Variants in BRWD1 observed in about 807,000 individuals in gnomAD.
BRWD1 encodes the protein bromodomain and WD repeat-containing protein 1.
BRWD1 carries 82 observed loss-of-function variants against 251.2 expected under a neutral mutation model. The observed-to-expected ratio is 0.33, with a 90% CI of 0.27 to 0.39. The LOEUF is 0.39. Ranked by LOEUF, BRWD1 falls within the 10% of genes least tolerant of loss-of-function variation. BRWD1 has a pLI of 1.00. For missense variants in BRWD1, 2,233 were observed against 2,711.6 expected (o/e 0.82, Z 3.92); for synonymous variants, 918 against 902.8 (o/e 1.02, Z -0.30).
rs1432821001 is a variant in BRWD1 at position 39,196,804 on chromosome 21, G to A, written c.6265C>T (p.Leu2089=). 3 of 1,613,216 alleles carry A rather than the reference G, an allele frequency of 1.9e-6. No individual in the cohort carries two copies. Among genetic ancestry groups the A allele is most frequent in the Non-Finnish European group, 2.5e-6 (3 of 1,179,902 alleles). ...ATAENNFEVE[L]NYGLRRWNGR... Reference sequence around the variant, plus strand: ...TTCCACCTGCGCAGCCCATAATTCAGTTCCACTTCAAAATTATTCTCTGCA... The same window carrying A: ...TTCCACCTGCGCAGCCCATAATTCAATTCCACTTCAAAATTATTCTCTGCA... The change falls in exon 41 of 41, where the codon CTG becomes TTG. Residue 2089 remains leucine (L), a synonymous_variant. Transcript: ENST00000342449.
intron 20 of BRWD1, among the ~76,000 whole-genome samples, chr21:39,249,689 T>C (rs2034324785): frequency 1.3e-5 from 2 of 152,236 alleles, no homozygotes; most frequent in Non-Finnish European, 2.9e-5. Context: ...CTGGATGATC[T>C]TAAAATGAAC....
At position 39,238,581 on chromosome 21, in the gene BRWD1, G is replaced by T; in HGVS notation, c.2482-8C>A. 1 of 1,599,478 alleles carries T rather than the reference G, an allele frequency of 6.3e-7. No individual in the cohort carries two copies. Among genetic ancestry groups the T allele is most frequent in the Non-Finnish European group, 8.6e-7 (1 of 1,167,972 alleles). On this transcript the variant is annotated splice_polypyrimidine_tract_variant and splice_region_variant and intron_variant, in intron 21 of 40. Transcript: ENST00000342449. ...CTGATCACAGGAAGTCTCCTAATTT[G>T]TGAAGGGGGGAAAAAAATCTTGATC...
At chr21:39,185,094 C>T (rs2031137824), downstream of BRWD1, 1 of 151,934 alleles carries the variant, frequency 6.6e-6, no homozygotes, top group Admixed American at 6.6e-5. Flanking sequence ...AAGTTTTAAG[C>T]AAATGCTTAT....
intron 15 of BRWD1, among the ~76,000 whole-genome samples, chr21:39,268,988 A>AAAAAG (rs1006203347): frequency 1.6e-4 from 24 of 152,226 alleles, no homozygotes; most frequent in African/African-American, 5.8e-4. Context: ...ACTCTGTCTC[A>AAAAAG]AAAAGAAAAG....
chr21:39,270,743 C>T (rs1408144150), intron 13 of BRWD1, among the ~76,000 whole-genome samples: 1 of 152,188 alleles, frequency 6.6e-6, no homozygotes, highest in Non-Finnish European at 1.5e-5. Flanking sequence ...CTTCTGAATA[C>T]AAACCTATTG....
chr21:39,298,104 T>TA (rs779521154), intron 5 of BRWD1: 53 of 1,008,760 alleles, frequency 5.3e-5, no homozygotes, highest in Non-Finnish European at 5.9e-5. Context: ...ATTAGACACA[T>TA]ACAATTACAT....
At position 39,280,134 on chromosome 21, in the gene BRWD1, T is replaced by A; in HGVS notation, c.932+14A>T. The A allele has an allele frequency of 6.4e-7, 1 of 1,563,094 alleles. No individual in the cohort carries two copies. Among genetic ancestry groups the A allele is most frequent in the Non-Finnish European group, 8.7e-7 (1 of 1,151,210 alleles). ...TTAAAAAACAAAACCTGTTACATAATTAAAGCCACTTACCTAAATTTTAAG... is the reference window on the plus strand; with the variant it reads ...TTAAAAAACAAAACCTGTTACATAAATAAAGCCACTTACCTAAATTTTAAG... On this transcript the variant is annotated intron_variant, in intron 9 of 40. Transcript: ENST00000342449.
chr21:39,299,626 C>G (rs2036053906), intron 4 of BRWD1, among the ~76,000 whole-genome samples: 1 of 151,886 alleles, frequency 6.6e-6, no homozygotes, highest in African/African-American at 2.4e-5. Flanking sequence ...GCTGAAGAAA[C>G]AAAGAAAAAT....
chr21:39,302,257 T>A (rs2036143787), intron 4 of BRWD1, among the ~76,000 whole-genome samples: 1 of 152,090 alleles, frequency 6.6e-6, no homozygotes, highest in African/African-American at 2.4e-5. Context: ...GTGCTGGGAT[T>A]ACAGGCGTGA....
intron 8 of BRWD1, 77 bp from the exon 9 acceptor site, chr21:39,280,325 C>T: frequency 9.2e-7 from 1 of 1,089,092 alleles, no homozygotes; most frequent in Non-Finnish European, 1.3e-6. Flanking sequence ...GCAAACTTAA[C>T]TTCAATTGAC....
chr21:39,299,257 A>T (rs537991845), intron 4 of BRWD1, among the ~76,000 whole-genome samples: 2,296 of 125,080 alleles, frequency 0.018, 60 homozygotes, highest in African/African-American at 0.065. Context: ...CAAAAAAAAA[A>T]AAATATATAT....
chr21:39,312,397 T>C (rs1259142815), intron 4 of BRWD1, among the ~76,000 whole-genome samples: 2 of 152,198 alleles, frequency 1.3e-5, no homozygotes, highest in Non-Finnish European at 1.5e-5. Flanking sequence ...TTCTCCACCT[T>C]CAGAGACCAA....
In BRWD1 at chr21:39,187,395, TTCTCTG is replaced by T. The variant is rs779592667; in HGVS notation, c.*8858_*8863del. On this transcript the variant is annotated 3_prime_UTR_variant, in exon 41 of 41. Transcript: ENST00000342449. Reference sequence around the variant, plus strand: ...TACATGTTCTCACTTTTGTATTGGGTTCTCTGTCTCTAGGAACAAATTCTGAAAAAT... The same window carrying T: ...TACATGTTCTCACTTTTGTATTGGGTTCTCTAGGAACAAATTCTGAAAAAT... 1.9e-6 allele frequency: 3 copies of T among 1,576,156 alleles called. No homozygotes were observed. The Admixed American group carries it at 5.8e-5, about 31-fold the overall frequency.
intron 4 of BRWD1, chr21:39,312,497 G>A (rs2146814935): frequency 9.5e-6 from 2 of 211,330 alleles, no homozygotes; most frequent in East Asian, 1.2e-4. Flanking sequence ...CAAGCGCGGT[G>A]GAGCGGGGAA....
intron 22 of BRWD1, 101 bp downstream of exon 22, chr21:39,238,378 C>A: frequency 1.2e-6 from 1 of 845,326 alleles, no homozygotes; most frequent in African/African-American, 1.7e-5. Flanking sequence ...AAAAACTGTT[C>A]CACAGTTGCA....
At chr21:39,222,665 T>C (rs1313377759) in intron 29 of BRWD1, among the ~76,000 whole-genome samples, 1 of 152,184 alleles carries the variant, frequency 6.6e-6, no homozygotes, top group African/African-American at 2.4e-5. Flanking sequence ...GGAGAAGATG[T>C]ATCTTATAGT....
chr21:39,258,138 A>T (rs1237773170), intron 18 of BRWD1, among the ~76,000 whole-genome samples: 1 of 152,242 alleles, frequency 6.6e-6, no homozygotes, highest in Non-Finnish European at 1.5e-5. Context: ...AAGAAAAATC[A>T]TACTCTACCC....
chr21:39,296,884 A>C lies in BRWD1; in HGVS notation c.350-521T>G, dbSNP rs187842194. 54 of 982,984 alleles carry C rather than the reference A, an allele frequency of 5.5e-5. No homozygotes were observed. The African/African-American group carries it at 9.2e-4, about 17-fold the overall frequency. 60.9% of individuals were successfully genotyped at this position (982,984 alleles called of 1,614,324 possible). ...CTTTTCAAAAATGGAAGCTTTTATAAGGAAAAAGTTCTTTGATTTATATGA... is the reference window on the plus strand; with the variant it reads ...CTTTTCAAAAATGGAAGCTTTTATACGGAAAAAGTTCTTTGATTTATATGA... On this transcript the variant is annotated intron_variant, in intron 5 of 40. Coordinates refer to ENST00000342449, the MANE Select transcript of BRWD1 (RefSeq NM_033656.4).
At chr21:39,243,849 CAT>C (rs1568907725) in intron 21 of BRWD1, among the ~76,000 whole-genome samples, 1 of 152,156 alleles carries the variant, frequency 6.6e-6, no homozygotes, top group African/African-American at 2.4e-5. Flanking sequence ...AGGATTAAAA[CAT>C]ATTCATACAT....
Sources: gnomAD v4.1 joint callset for allele counts (sites outside exome capture counted in the v4.1 genomes callset) on GRCh38, gnomAD v4.1.1 for gene constraint, MANE v1.5 for transcripts, NCBI Gene and HGNC (gene_info 2026-07-23, HGNC 2026-07-21) for gene names.